The following DRC11 variants were observed in gnomAD, a reference collection of about 807,000 sequenced individuals.
The protein encoded by DRC11 is dynein regulatory complex subunit 11.
the DRC11 span, among the ~76,000 whole-genome samples, chr2:236,416,708 C>CATATATATATATTTATATATATAT: frequency 4.0e-5 from 3 of 74,590 alleles, no homozygotes; most frequent in Non-Finnish European, 5.4e-5. Context: ...TATTTATTTA[C>CATATATATATATTTATATATATAT]ATATATATAT....
chr2:236,394,398 C>T, the DRC11 span, among the ~76,000 whole-genome samples: 10,739 of 152,100 alleles, frequency 0.071, 594 homozygotes, highest in African/African-American at 0.14. This position sits in a 1 kb window ranked among gnomAD's most constrained non-coding sequence, Gnocchi z 7.0. Flanking sequence ...TCTGGGAGGC[C>T]GAGGTGGGCA....
At chr2:236,381,689 A>G in the DRC11 span, among the ~76,000 whole-genome samples, 1 of 152,184 alleles carries the variant, frequency 6.6e-6, no homozygotes, top group Non-Finnish European at 1.5e-5. This position sits in a 1 kb window ranked among gnomAD's most constrained non-coding sequence, Gnocchi z 5.8. Context: ...CAGCCTAGAG[A>G]GACATGCTTC....
At chr2:236,340,864 G>A in the DRC11 span, among the ~76,000 whole-genome samples, 1 of 152,192 alleles carries the variant, frequency 6.6e-6, no homozygotes, top group African/African-American at 2.4e-5. Context: ...GTGAGGTGCA[G>A]TCCCATGAAC....
At chr2:236,487,813 T>C in the DRC11 span, among the ~76,000 whole-genome samples, 1 of 152,240 alleles carries the variant, frequency 6.6e-6, no homozygotes, top group Admixed American at 6.5e-5. Context: ...AGTAAAAATT[T>C]GAAAATATGA....
the DRC11 span, among the ~76,000 whole-genome samples, chr2:236,491,903 A>G: frequency 2.0e-5 from 3 of 152,344 alleles, no homozygotes; most frequent in East Asian, 1.9e-4. Flanking sequence ...TTAGTCCCCA[A>G]TGCAACAGTG....
chr2:236,338,256 C>T, the DRC11 span: 1 of 1,613,986 alleles, frequency 6.2e-7, no homozygotes, highest in African/African-American at 1.3e-5. Context: ...TTCTGGTAAA[C>T]TTTGCAGAAA....
chr2:236,403,853 C>T, the DRC11 span, among the ~76,000 whole-genome samples: 4 of 152,128 alleles, frequency 2.6e-5, no homozygotes, highest in Non-Finnish European at 4.4e-5. Flanking sequence ...CCCCGATCCT[C>T]GCTCGCTGTG....
chr2:236,450,323 T>C, the DRC11 span, among the ~76,000 whole-genome samples: 2 of 136,656 alleles, frequency 1.5e-5, no homozygotes, highest in Non-Finnish European at 3.1e-5. Context: ...TCTTTTTTTT[T>C]TTTTTTTTTT....
At chr2:236,363,038 C>A in the DRC11 span, among the ~76,000 whole-genome samples, 2 of 152,206 alleles carry the variant, frequency 1.3e-5, no homozygotes, top group African/African-American at 4.8e-5. This position sits in a 1 kb window ranked among gnomAD's most constrained non-coding sequence, Gnocchi z 5.6. Flanking sequence ...ACAGAGCCAA[C>A]ACCTAGCCTC....
chr2:236,412,294 A>T, the DRC11 span, among the ~76,000 whole-genome samples: 3 of 152,190 alleles, frequency 2.0e-5, no homozygotes, highest in Admixed American at 2.0e-4. Flanking sequence ...TAGGAAGTTC[A>T]TGGTGCTGGA....
At chr2:236,481,794 T>C in the DRC11 span, among the ~76,000 whole-genome samples, 4 of 151,984 alleles carry the variant, frequency 2.6e-5, no homozygotes, top group African/African-American at 4.8e-5. Flanking sequence ...ATATACTTAG[T>C]TGAAGTATTT....
At chr2:236,416,724 TATATATATATATATA>T in the DRC11 span, among the ~76,000 whole-genome samples, 22 of 20,496 alleles carry the variant, frequency 1.1e-3, 1 homozygote, top group Admixed American at 2.5e-3. Context: ...TATATATTTA[TATATATATATATATA>T]TATATATATA....
At chr2:236,357,663 AATAC>A in the DRC11 span, among the ~76,000 whole-genome samples, 20,822 of 122,998 alleles carry the variant, frequency 0.17, 2,008 homozygotes, top group Non-Finnish European at 0.22. Flanking sequence ...TTATATTCAT[AATAC>A]ATAAATATAT....
chr2:236,480,627 T>C, the DRC11 span, among the ~76,000 whole-genome samples: 1 of 152,236 alleles, frequency 6.6e-6, no homozygotes, highest in Non-Finnish European at 1.5e-5. Flanking sequence ...TCAAAGTTGC[T>C]TTCCTGTGTT....
the DRC11 span, among the ~76,000 whole-genome samples, chr2:236,358,832 A>G: frequency 2.0e-5 from 3 of 147,826 alleles, no homozygotes; most frequent in Admixed American, 6.6e-5. Flanking sequence ...TCAGGCCCCA[A>G]GACCGTCACG....
the DRC11 span, among the ~76,000 whole-genome samples, chr2:236,389,478 C>T: frequency 6.6e-6 from 1 of 152,236 alleles, no homozygotes; most frequent in African/African-American, 2.4e-5. Flanking sequence ...CTCCCTGACC[C>T]CTTGCGCTTC....
the DRC11 span, among the ~76,000 whole-genome samples, chr2:236,372,561 A>C: frequency 6.6e-6 from 1 of 152,126 alleles, no homozygotes; most frequent in Non-Finnish European, 1.5e-5. The surrounding 1 kb of genome is among the most constrained non-coding windows in gnomAD (Gnocchi z 4.5). Flanking sequence ...TTTTTTTCCT[A>C]AACAGGAAAA....
the DRC11 span, among the ~76,000 whole-genome samples, chr2:236,361,352 AAACTT>A: frequency 6.6e-6 from 1 of 152,200 alleles, no homozygotes; most frequent in Non-Finnish European, 1.5e-5. The surrounding 1 kb of genome is among the most constrained non-coding windows in gnomAD (Gnocchi z 5.7). Context: ...TACCAGGTGA[AAACTT>A]AACTTGACAG....
At chr2:236,448,038 A>G in the DRC11 span, among the ~76,000 whole-genome samples, 2 of 152,226 alleles carry the variant, frequency 1.3e-5, no homozygotes, top group Admixed American at 1.3e-4. This position sits in a 1 kb window ranked among gnomAD's most constrained non-coding sequence, Gnocchi z 5.3. Context: ...AATAATTATT[A>G]TGCAAAAAAG....
Sources: allele counts gnomAD v4.1 joint callset (sites outside exome capture counted in the v4.1 genomes callset), GRCh38; gene constraint gnomAD v4.1.1; non-coding constraint Gnocchi (gnomAD v3.1); transcripts MANE v1.5; gene names NCBI Gene and HGNC (gene_info 2026-07-23, HGNC 2026-07-21).